Variants in DCN observed in about 807,000 individuals in gnomAD.
DCN encodes the protein bone proteoglycan II.
In DCN, 17 loss-of-function variants were observed where a neutral mutation model predicts 36.5. The observed-to-expected ratio is 0.47, with a 90% confidence interval of 0.32 to 0.70. The LOEUF (loss-of-function observed/expected upper bound fraction) is 0.70. DCN is among the 30% of genes least tolerant of loss of function. DCN has a pLI of 0.04. For synonymous variants in DCN, 163 were observed against 161.4 expected, an observed-to-expected ratio of 1.01 and a Z score of -0.07; for missense variants, 389 against 430.1, an observed-to-expected ratio of 0.90 and a Z score of 0.84.
chr12:91,154,466 A>G (rs1264521956), intron 5 of DCN, among the ~76,000 whole-genome samples: 1 of 152,144 alleles, frequency 6.6e-6, no homozygotes, highest in Non-Finnish European at 1.5e-5. Context: ...CAGTGCCTCC[A>G]GTACACCAAT....
At chr12:91,162,813 CAAGTA>C (rs1882244643) in intron 3 of DCN, among the ~76,000 whole-genome samples, 2 of 152,132 alleles carry the variant, frequency 1.3e-5, no homozygotes, top group South Asian at 2.1e-4. Flanking sequence ...GTAGTTGAAA[CAAGTA>C]AATACCATTC....
Position 91,157,282 on chromosome 12 carries a change from T to C in DCN, c.539-94A>G, listed in dbSNP as rs1008000641. ...TTTCAGCAAGCAACCTATAAAGAAATAGGGATTAATATCAACTTGACTAAA... is the reference window on the plus strand; with the variant it reads ...TTTCAGCAAGCAACCTATAAAGAAACAGGGATTAATATCAACTTGACTAAA... On this transcript the variant is annotated intron_variant, in intron 4 of 7. Coordinates refer to ENST00000052754, the MANE Select transcript of DCN (RefSeq NM_001920.5). The C allele has an allele frequency of 5.8e-6, 5 of 866,714 alleles. No individual in the cohort carries two copies. In the East Asian group the frequency reaches 7.3e-5, roughly 13 times the overall value. 53.7% of individuals were successfully genotyped at this position (866,714 alleles called of 1,614,324 possible). A position where few individuals can be genotyped will look rare whatever the true frequency, so the allele number is the denominator to read the frequency against.
chr12:91,160,881 C>G (rs759269979), intron 3 of DCN, among the ~76,000 whole-genome samples: 2 of 151,978 alleles, frequency 1.3e-5, no homozygotes, highest in Non-Finnish European at 2.9e-5. Flanking sequence ...TAGTTTTTCC[C>G]ACTATATATA....
chr12:91,141,426 C>T lies in DCN; in HGVS notation c.*4632G>A, dbSNP rs1880752482. The T allele has an allele frequency of 6.6e-6, 1 of 152,116 alleles. No individual in the cohort carries two copies. The highest frequency in any genetic ancestry group is 1.5e-5 in the Non-Finnish European group (1 of 68,064). 9.4% of individuals were successfully genotyped at this position (152,116 alleles called of 1,614,324 possible). On this transcript the variant is annotated 3_prime_UTR_variant, in exon 8 of 8. Coordinates refer to ENST00000052754, the MANE Select transcript of DCN (RefSeq NM_001920.5). ...CCTGATAAGTCCTTTTTCCGACCAT[C>T]CTATATAAAATAGCAAGTCTCACCC...
chr12:91,151,578 C>T (rs1565773991), intron 7 of DCN, 76 bp downstream of exon 7: 1 of 1,570,740 alleles, frequency 6.4e-7, no homozygotes, highest in Non-Finnish European at 8.7e-7. Flanking sequence ...GAGCTTCCTG[C>T]TTCCCAGCAT....
Position 91,145,906 on chromosome 12 carries a change from T to C in DCN, c.*152A>G. ...ATTTCTTTTTATTGTAGGCAATTAC[T>C]TAAACTGGAAATTTGGCTTTATGCA... On this transcript the variant is annotated 3_prime_UTR_variant, in exon 8 of 8. Coordinates refer to ENST00000052754, the MANE Select transcript of DCN (RefSeq NM_001920.5). 1.5e-6 allele frequency: 1 copy of C among 666,968 alleles called. No homozygotes were observed. The highest frequency in any genetic ancestry group is 1.9e-5 in the South Asian group (1 of 52,822). 41.3% of individuals were successfully genotyped at this position (666,968 alleles called of 1,614,324 possible).
chr12:91,167,955 T>C (rs1592699292), intron 2 of DCN, among the ~76,000 whole-genome samples: 1 of 152,188 alleles, frequency 6.6e-6, no homozygotes, highest in East Asian at 1.9e-4. Context: ...TTCTCCTGCC[T>C]CAGTAGCTGG....
In DCN at chr12:91,143,831, T is replaced by C. The variant is rs545919279; in HGVS notation, c.*2227A>G. The C allele has an allele frequency of 1.3e-4, 19 of 148,150 alleles. No individual in the cohort carries two copies. Among genetic ancestry groups the C allele is most frequent in the Non-Finnish European group, 2.4e-4 (16 of 67,214 alleles). 9.2% of individuals were successfully genotyped at this position (148,150 alleles called of 1,614,324 possible). The stretch of plus-strand genomic sequence containing the variant: ...ATGCAAAAAGATATATATATAAATA[T>C]ATATATATAAAGATATATATGTGTG... On this transcript the variant is annotated 3_prime_UTR_variant, in exon 8 of 8. Coordinates refer to ENST00000052754, the MANE Select transcript of DCN (RefSeq NM_001920.5).
chr12:91,167,134 G>A (rs1448950480), intron 2 of DCN, among the ~76,000 whole-genome samples: 2 of 151,768 alleles, frequency 1.3e-5, no homozygotes, highest in African/African-American at 2.4e-5. Flanking sequence ...TTTTTTTCTG[G>A]CATACCTATC....
chr12:91,177,452 A>ATTTTTTTTTT, intron 2 of DCN: 1 of 635,354 alleles, frequency 1.6e-6, no homozygotes, highest in Admixed American at 2.7e-5. Context: ...TGATATAAAG[A>ATTTTTTTTTT]TTTTTTTTTC....
chr12:91,163,991 T>G (rs991407469), intron 3 of DCN, among the ~76,000 whole-genome samples: 1 of 152,146 alleles, frequency 6.6e-6, no homozygotes. Context: ...CTAAAGTATT[T>G]TTATGAAGAA....
At chr12:91,150,575 A>G (rs1407892121) in intron 7 of DCN, among the ~76,000 whole-genome samples, 1 of 152,198 alleles carries the variant, frequency 6.6e-6, no homozygotes, top group Non-Finnish European at 1.5e-5. Context: ...GGTGATTATT[A>G]AAAAGTCAGG....
chr12:91,177,307 C>T, intron 2 of DCN: 1 of 455,884 alleles, frequency 2.2e-6, no homozygotes, highest in Non-Finnish European at 3.9e-6. Flanking sequence ...CAGTTTATTC[C>T]AATTGTAGAA....
chr12:91,148,103 T>A (rs1881149202), intron 7 of DCN, among the ~76,000 whole-genome samples: 1 of 150,424 alleles, frequency 6.6e-6, no homozygotes, highest in South Asian at 2.1e-4. Flanking sequence ...AGACGGAGTC[T>A]CGCGCTGTTA....
intron 2 of DCN, 122 bp downstream of exon 2, chr12:91,178,220 C>T: frequency 1.2e-6 from 1 of 854,362 alleles, no homozygotes; most frequent in Non-Finnish European, 2.0e-6. Context: ...CTTTACTCCT[C>T]ATTAGGTGGC....
intron 3 of DCN, among the ~76,000 whole-genome samples, chr12:91,161,705 GT>G (rs1446705578): frequency 6.6e-6 from 1 of 152,112 alleles, no homozygotes; most frequent in Non-Finnish European, 1.5e-5. Flanking sequence ...TTATTTGTCT[GT>G]TTCTTATTTT....
At chr12:91,164,486 TTAA>T in intron 3 of DCN, 116 bp downstream of exon 3, 1 of 493,554 alleles carries the variant, frequency 2.0e-6, no homozygotes, top group Non-Finnish European at 3.6e-6. Flanking sequence ...AAAGGTGAAG[TTAA>T]TAAACACTAA....
chr12:91,147,901 T>C (rs1269063511), intron 7 of DCN, among the ~76,000 whole-genome samples: 1 of 152,158 alleles, frequency 6.6e-6, no homozygotes, highest in Non-Finnish European at 1.5e-5. Context: ...ATGTTTAAGA[T>C]AATGGTAATT....
intron 1 of DCN, among the ~76,000 whole-genome samples, chr12:91,181,147 TGTGA>T (rs1458154767): frequency 2.0e-5 from 3 of 147,220 alleles, no homozygotes; most frequent in East Asian, 2.0e-4. Context: ...TGTGTGTGTG[TGTGA>T]GAGAGAGAGA....
Sources: gnomAD v4.1 joint callset for allele counts (sites outside exome capture counted in the v4.1 genomes callset) on GRCh38, gnomAD v4.1.1 for gene constraint, MANE v1.5 for transcripts, NCBI Gene and HGNC (gene_info 2026-07-23, HGNC 2026-07-21) for gene names.